Variants in PTPRR observed in about 807,000 individuals in gnomAD.
PTPRR encodes receptor-type tyrosine-protein phosphatase R.
Under a neutral mutation model 77.2 loss-of-function variants are expected in PTPRR, and 38 were observed. The observed-to-expected ratio is 0.49, with a 90% confidence interval of 0.38 to 0.65. The LOEUF (loss-of-function observed/expected upper bound fraction) is 0.65, where lower values mean the gene tolerates loss of function less well. PTPRR is among the 30% of genes least tolerant of loss of function. The pLI, the probability that PTPRR is intolerant of heterozygous loss-of-function variation, is 0.00. For synonymous variants in PTPRR, 299 were observed against 283.1 expected (o/e 1.06, Z -0.57); for missense variants, 744 against 799.2 (o/e 0.93, Z 0.83).
At chr12:70,885,769 T>C (rs1893230256) in intron 2 of PTPRR, among the ~76,000 whole-genome samples, 1 of 152,114 alleles carries the variant, frequency 6.6e-6, no homozygotes, top group South Asian at 2.1e-4. Context: ...ACTGACCACG[T>C]GATCCACCAG....
At chr12:70,908,115 G>T (rs1893649008) in intron 1 of PTPRR, among the ~76,000 whole-genome samples, 1 of 151,972 alleles carries the variant, frequency 6.6e-6, no homozygotes. Flanking sequence ...CTTAAAAACT[G>T]GGCTCCAATT....
At position 70,662,554 on chromosome 12, in the gene PTPRR, C is replaced by A; in HGVS notation, c.1549G>T (p.Val517Phe). ...CATTCATTTACACTGATAACCAGAA[C>A]CTCAACTTTTCCATATATCCCTCTC... Reference protein sequence around the residue: ...EKRGIYGKVEVLVISVNECDN... With the variant: ...EKRGIYGKVEFLVISVNECDN... The change falls in exon 11 of 14, where the codon GTT becomes TTT. Residue 517 changes from valine (V) to phenylalanine (F), a missense_variant. Val to Phe is a conservative substitution (Grantham distance 50). Around this residue, in one of 3 missense-constraint regions of PTPRR, gnomAD observed 170 missense variants for 209.8 expected, o/e 0.81. Coordinates refer to ENST00000283228, the MANE Select transcript of PTPRR (RefSeq NM_002849.4). 1 of 1,612,848 alleles carries A rather than the reference C, an allele frequency of 6.2e-7. No individual in the cohort carries two copies. The highest frequency in any genetic ancestry group is 8.5e-7 in the Non-Finnish European group (1 of 1,179,232).
chr12:70,745,689 T>C, intron 6 of PTPRR, 129 bp downstream of exon 6: 1 of 1,092,048 alleles, frequency 9.2e-7, no homozygotes, highest in Non-Finnish European at 1.3e-6. Context: ...CACTACTTCA[T>C]CTGACTGTCC....
At chr12:70,702,284 T>G (rs566353032) in intron 6 of PTPRR, among the ~76,000 whole-genome samples, 359 of 152,154 alleles carry the variant, frequency 2.4e-3, no homozygotes, top group African/African-American at 6.9e-3. Context: ...GGGGTAACTA[T>G]GAAATAGCAT....
intron 2 of PTPRR, among the ~76,000 whole-genome samples, chr12:70,805,484 G>C (rs1891693705): frequency 6.6e-6 from 1 of 152,052 alleles, no homozygotes; most frequent in Non-Finnish European, 1.5e-5. Context: ...CTCCCAAGTG[G>C]CTGGGACTAC....
chr12:70,682,318 C>T (rs949377807), intron 10 of PTPRR, among the ~76,000 whole-genome samples: 3 of 152,048 alleles, frequency 2.0e-5, no homozygotes, highest in African/African-American at 7.2e-5. Flanking sequence ...GCTGGGATTA[C>T]AGGCGTGAGC....
rs1230849898 is a variant in PTPRR at position 70,754,321 on chromosome 12, A to T, written c.628-20T>A. The stretch of plus-strand genomic sequence containing the variant: ...ATTTTTCTTTAAAAGCAAAACAGAA[A>T]GTCCGACGTTAAATGAGAGCTTGAG... On this transcript the variant is annotated intron_variant, in intron 4 of 13. Coordinates refer to ENST00000283228, the MANE Select transcript of PTPRR (RefSeq NM_002849.4). 1.2e-6 allele frequency: 2 copies of T among 1,612,272 alleles called. No homozygotes were observed. Among genetic ancestry groups the T allele is most frequent in the Admixed American group, 3.4e-5 (2 of 59,514 alleles).
At chr12:70,868,685 G>C (rs1321178297) in intron 2 of PTPRR, among the ~76,000 whole-genome samples, 2 of 151,966 alleles carry the variant, frequency 1.3e-5, no homozygotes, top group Non-Finnish European at 2.9e-5. Flanking sequence ...TCCCATTACT[G>C]GGTATATACC....
In PTPRR at chr12:70,639,005, T is replaced by C; in HGVS notation, c.*179A>G. 1.6e-6 allele frequency: 1 copy of C among 614,558 alleles called. No homozygotes were observed. Among genetic ancestry groups the C allele is most frequent in the South Asian group, 2.0e-5 (1 of 50,374 alleles). The allele number at this position is 614,558 out of a possible 1,614,324, so 38.1% of individuals were successfully genotyped here. A position where few individuals can be genotyped will look rare whatever the true frequency, so the allele number is the denominator to read the frequency against. On this transcript the variant is annotated 3_prime_UTR_variant, in exon 14 of 14. Coordinates refer to ENST00000283228, the MANE Select transcript of PTPRR (RefSeq NM_002849.4). ...ATTTGGGGGATGCTTACAAATGCAT[T>C]CATATACACAAGGAGCTGGAAATCT...
intron 2 of PTPRR, among the ~76,000 whole-genome samples, chr12:70,779,167 T>TC (rs999910873): frequency 1.2e-5 from 1 of 81,894 alleles, no homozygotes; most frequent in Non-Finnish European, 2.7e-5. Context: ...TTTTTAAATC[T>TC]TTTTTTTTTT....
intron 10 of PTPRR, among the ~76,000 whole-genome samples, chr12:70,666,859 A>G (rs1887014164): frequency 6.6e-6 from 1 of 151,496 alleles, no homozygotes; most frequent in Admixed American, 6.6e-5. Context: ...ATATGAACAA[A>G]TGTACATGTT....
intron 2 of PTPRR, among the ~76,000 whole-genome samples, chr12:70,852,491 A>G (rs1892587364): frequency 6.6e-6 from 1 of 152,152 alleles, no homozygotes. Flanking sequence ...TTCTTTTTAT[A>G]CCCTGATTAT....
intron 1 of PTPRR, among the ~76,000 whole-genome samples, chr12:70,906,693 A>G (rs1400302076): frequency 6.6e-6 from 1 of 152,152 alleles, no homozygotes; most frequent in East Asian, 1.9e-4. Flanking sequence ...CAATATATGC[A>G]TATGTATGTA....
intron 2 of PTPRR, chr12:70,789,010 C>G (rs1891378739): frequency 1.5e-6 from 1 of 660,480 alleles, no homozygotes; most frequent in African/African-American, 1.9e-5. Flanking sequence ...CCCAGGTCTA[C>G]TGCAGCAGCC....
intron 10 of PTPRR, among the ~76,000 whole-genome samples, chr12:70,667,965 C>T (rs940721090): frequency 2.0e-5 from 3 of 152,040 alleles, no homozygotes; most frequent in Non-Finnish European, 4.4e-5. Flanking sequence ...CCTCATAATC[C>T]TAGTCCACAC....
At chr12:70,780,248 C>G (rs1891176248) in intron 2 of PTPRR, among the ~76,000 whole-genome samples, 1 of 152,098 alleles carries the variant, frequency 6.6e-6, no homozygotes, top group African/African-American at 2.4e-5. Flanking sequence ...CCTTGGCCTC[C>G]CAAAGCGCTG....
chr12:70,754,080 A>T, intron 5 of PTPRR, 111 bp downstream of exon 5: 1 of 990,836 alleles, frequency 1.0e-6, no homozygotes, highest in Non-Finnish European at 1.5e-6. Context: ...GCAGGATCAT[A>T]GTCTTCCTTC....
intron 2 of PTPRR, among the ~76,000 whole-genome samples, chr12:70,847,537 C>A (rs1361582384): frequency 4.6e-5 from 7 of 152,122 alleles, no homozygotes; most frequent in African/African-American, 1.7e-4. Context: ...CCACCTCCTT[C>A]AATTTGCTTG....
intron 2 of PTPRR, among the ~76,000 whole-genome samples, chr12:70,795,860 A>C (rs1891500892): frequency 6.7e-6 from 1 of 149,344 alleles, no homozygotes; most frequent in Non-Finnish European, 1.5e-5. Flanking sequence ...GCTAAATAAC[A>C]AACTGTCAGA....
Sources: gnomAD v4.1 joint callset for allele counts (sites outside exome capture counted in the v4.1 genomes callset) on GRCh38, gnomAD v4.1.1 for gene constraint, gnomAD v4.1.1 regional missense constraint, MANE v1.5 for transcripts, NCBI Gene and HGNC (gene_info 2026-07-23, HGNC 2026-07-21) for gene names.